The following SNX29 variants were observed in gnomAD, a reference collection of about 807,000 sequenced individuals.
The protein encoded by SNX29 is sorting nexin 29, also known as sorting nexin-29.
A neutral mutation model predicts 102.1 loss-of-function variants in SNX29; 78 were observed. That is an observed-to-expected ratio of 0.76 (90% CI 0.64 to 0.92). The LOEUF is 0.92. Among genes scored for constraint, SNX29 ranks in the 40% least tolerant of loss-of-function variants. SNX29 has a pLI of 0.00. For missense variants in SNX29, 1,280 were observed against 1,061.7 expected (o/e 1.21, Z -2.86); for synonymous variants, 580 against 414.5 (o/e 1.40, Z -4.85).
At chr16:12,250,864 G>A (rs1481466040) in intron 14 of SNX29, among the ~76,000 whole-genome samples, 1 of 152,198 alleles carries the variant, frequency 6.6e-6, no homozygotes, top group East Asian at 1.9e-4. Context: ...TTCCCAGAGA[G>A]CTCCAGTCGC....
intron 15 of SNX29, among the ~76,000 whole-genome samples, chr16:12,295,255 G>T (rs748494015): frequency 2.0e-5 from 3 of 152,160 alleles, no homozygotes; most frequent in Admixed American, 6.5e-5. Flanking sequence ...ACTTTCCTAG[G>T]ATGACAGGCA....
At chr16:12,267,835 C>T (rs2078973826) in intron 14 of SNX29, among the ~76,000 whole-genome samples, 1 of 152,048 alleles carries the variant, frequency 6.6e-6, no homozygotes, top group Non-Finnish European at 1.5e-5. Flanking sequence ...CATCGCACTT[C>T]TTCTGAATCC....
chr16:12,526,720 A>G (rs892620619), intron 20 of SNX29: 1 of 477,090 alleles, frequency 2.1e-6, no homozygotes, highest in Non-Finnish European at 4.0e-6. Context: ...TGTTCCTAAG[A>G]TACTCCTGAT....
At chr16:12,469,286 G>A (rs75248669) in intron 18 of SNX29, among the ~76,000 whole-genome samples, 5,150 of 152,266 alleles carry the variant, frequency 0.034, 254 homozygotes, top group East Asian at 0.24. Flanking sequence ...CCGTCTATCG[G>A]CATGGCCATA....
intron 20 of SNX29, among the ~76,000 whole-genome samples, chr16:12,547,107 A>G (rs1188579596): frequency 1.3e-5 from 2 of 152,162 alleles, no homozygotes; most frequent in African/African-American, 2.4e-5. Context: ...TTCCAGTGAA[A>G]AGACAGGAAA....
intron 20 of SNX29, among the ~76,000 whole-genome samples, chr16:12,555,697 C>T (rs571483442): frequency 2.6e-5 from 4 of 152,128 alleles, no homozygotes; most frequent in African/African-American, 4.8e-5. Flanking sequence ...TTCCGATACT[C>T]TACGAGATTC....
chr16:12,253,194 C>T lies in SNX29; in HGVS notation c.1679-24739C>T, dbSNP rs148454619. On this transcript the variant is annotated intron_variant, in intron 14 of 20. Transcript: ENST00000566228. ...AGAGGTGGCGAGACAGTCATTCGGG[C>T]CATTACCTGTTGGTGACCATGCATT... 1.7e-3 allele frequency among the ~76,000 whole-genome samples: 255 copies of T among 152,242 alleles called. 2 individuals are homozygous for T. Among genetic ancestry groups the T allele is most frequent in the African/African-American group, 5.8e-3 (243 of 41,540 alleles).
chr16:12,260,899 G>A lies in SNX29; in HGVS notation c.1679-17034G>A, dbSNP rs190426302. ...CTGTGCATGCGTCCCCAGCTGGAGT[G>A]AGTGTTTGTTGAGCTCAGGTCAGTG... On this transcript the variant is annotated intron_variant, in intron 14 of 20. Coordinates refer to ENST00000566228, the MANE Select transcript of SNX29 (RefSeq NM_032167.5). Among the ~76,000 whole-genome samples the A allele has an allele frequency of 1.5e-3, 228 of 149,756 alleles. 1 individual carries two copies. Among genetic ancestry groups the A allele is most frequent in the African/African-American group, 5.0e-3 (205 of 40,654 alleles).
At chr16:12,518,403 G>T (rs931176271) in intron 19 of SNX29, among the ~76,000 whole-genome samples, 7 of 152,126 alleles carry the variant, frequency 4.6e-5, no homozygotes, top group Non-Finnish European at 1.0e-4. Context: ...CTGCCTGGGG[G>T]TTTCTTCTTG....
At chr16:12,544,397 C>T (rs2077489386) in intron 20 of SNX29, among the ~76,000 whole-genome samples, 1 of 152,172 alleles carries the variant, frequency 6.6e-6, no homozygotes, top group Non-Finnish European at 1.5e-5. Context: ...TGAGGTGGTT[C>T]TGCTAAAACA....
At chr16:12,550,024 C>A (rs148678911) in intron 20 of SNX29, among the ~76,000 whole-genome samples, 1 of 152,204 alleles carries the variant, frequency 6.6e-6, no homozygotes, top group Admixed American at 6.5e-5. Flanking sequence ...TGAGTTGTAA[C>A]TGAGATGGAA....
At chr16:12,565,179 C>A (rs976814517) in intron 20 of SNX29, among the ~76,000 whole-genome samples, 2 of 152,108 alleles carry the variant, frequency 1.3e-5, no homozygotes, top group Admixed American at 1.3e-4. Context: ...CCTACCCAAC[C>A]CCCCACCTTC....
At chr16:12,529,774 C>T (rs1285953616) in intron 20 of SNX29, among the ~76,000 whole-genome samples, 2 of 152,102 alleles carry the variant, frequency 1.3e-5, no homozygotes, top group Admixed American at 6.6e-5. Flanking sequence ...GAGCAGGTTA[C>T]GTTTAGCTCA....
In SNX29 at chr16:12,254,378, CA is replaced by C. The variant is rs1567361175; in HGVS notation, c.1679-23554del. ...AAGAGATGGAGAAGGAGGCCAGGCG[CA>C]GTGGCTCACGCCTGTAATGCAGCAC... On this transcript the variant is annotated intron_variant, in intron 14 of 20. Coordinates refer to ENST00000566228, the MANE Select transcript of SNX29 (RefSeq NM_032167.5). Among the ~76,000 whole-genome samples the C allele has an allele frequency of 2.6e-5, 4 of 152,222 alleles. No individual in the cohort carries two copies. In the East Asian group the frequency reaches 7.7e-4, roughly 29 times the overall value.
In SNX29 at chr16:12,572,348, A is replaced by G. The variant is rs2141593818; in HGVS notation, c.*3719A>G. ...TGAAGCCCACCAGCCTGCCTGGTTG[A>G]TGGACAGCAGGCTCTGCCTTCTGGA... On this transcript the variant is annotated 3_prime_UTR_variant, in exon 21 of 21. Coordinates refer to ENST00000566228, the MANE Select transcript of SNX29 (RefSeq NM_032167.5). The G allele has an allele frequency of 9.4e-7, 1 of 1,062,950 alleles. No individual in the cohort carries two copies. Among genetic ancestry groups the G allele is most frequent in the East Asian group, 5.0e-5 (1 of 19,816 alleles). The allele number at this position is 1,062,950 out of a possible 1,614,324, so 65.8% of individuals were successfully genotyped here. A position where few individuals can be genotyped will look rare whatever the true frequency, so the allele number is the denominator to read the frequency against.
chr16:12,343,306 C>T (rs558090771), intron 15 of SNX29, among the ~76,000 whole-genome samples: 3 of 152,198 alleles, frequency 2.0e-5, no homozygotes, highest in Admixed American at 2.0e-4. Context: ...CAGAAAACTT[C>T]TGACTTGGTG....
chr16:12,331,742 T>A (rs936009890), intron 15 of SNX29, among the ~76,000 whole-genome samples: 1 of 152,124 alleles, frequency 6.6e-6, no homozygotes, highest in African/African-American at 2.4e-5. Context: ...AGTAGAGATG[T>A]CGTTTCACCA....
At chr16:12,427,839 TTGG>T (rs1383490411) in intron 18 of SNX29, among the ~76,000 whole-genome samples, 1 of 152,210 alleles carries the variant, frequency 6.6e-6, no homozygotes, top group Non-Finnish European at 1.5e-5. Context: ...GCCAGCTGAC[TTGG>T]TGGGAGAAAG....
At chr16:12,438,392 C>T (rs2085637097) in intron 18 of SNX29, among the ~76,000 whole-genome samples, 1 of 152,134 alleles carries the variant, frequency 6.6e-6, no homozygotes, top group South Asian at 2.1e-4. Flanking sequence ...CTCCTTTCCC[C>T]CTTACCACCC....
Sources: allele counts gnomAD v4.1 joint callset (sites outside exome capture counted in the v4.1 genomes callset), GRCh38; gene constraint gnomAD v4.1.1; transcripts MANE v1.5; gene names NCBI Gene and HGNC (gene_info 2026-07-23, HGNC 2026-07-21).